The following UBR7 variants were observed in gnomAD, a reference collection of about 807,000 sequenced individuals.
The protein encoded by UBR7 is ubiquitin protein ligase E3 component n-recognin 7, also known as putative E3 ubiquitin-protein ligase UBR7.
UBR7 carries 22 observed loss-of-function variants against 57.0 expected under a neutral mutation model. The observed-to-expected ratio is 0.39, with a 90% confidence interval of 0.28 to 0.55. The LOEUF (loss-of-function observed/expected upper bound fraction) is 0.55. Ranked by LOEUF, UBR7 falls within the 20% of genes least tolerant of loss-of-function variation. The pLI is 0.69. For synonymous variants in UBR7, 167 were observed against 179.8 expected (o/e 0.93, Z 0.57); for missense variants, 395 against 513.2 (o/e 0.77, Z 2.23).
chr14:93,215,399 G>A, intron 6 of UBR7, 118 bp downstream of exon 6: 1 of 938,204 alleles, frequency 1.1e-6, no homozygotes, highest in Non-Finnish European at 1.7e-6. Context: ...AATAGTATAT[G>A]TTCTGGCCAG....
intron 10 of UBR7, among the ~76,000 whole-genome samples, chr14:93,225,463 CA>C (rs59667536): frequency 0.13 from 14,015 of 109,952 alleles, 716 homozygotes; most frequent in African/African-American, 0.17. Flanking sequence ...CCCGCCTCTA[CA>C]AAAAAAAAAA....
intron 10 of UBR7, chr14:93,223,709 C>T (rs1477016071): frequency 3.2e-5 from 30 of 944,928 alleles, no homozygotes; most frequent in Non-Finnish European, 4.7e-5. Flanking sequence ...GCTTGATGGC[C>T]GGCCGGCTGG....
In UBR7 at chr14:93,228,938, A is replaced by G. The variant is rs1374838437; in HGVS notation, c.*1903A>G. ...CTGAAGGGCTTGTTTTATGAAAGGT[A>G]CTATTCCTTCTTTCACATTAACTGG... On this transcript the variant is annotated 3_prime_UTR_variant, in exon 11 of 11. Transcript: ENST00000013070. The G allele has an allele frequency of 2.2e-6, 1 of 453,990 alleles. No individual in the cohort carries two copies. Among genetic ancestry groups the G allele is most frequent in the African/African-American group, 2.0e-5 (1 of 50,004 alleles). 28.1% of individuals were successfully genotyped at this position (453,990 alleles called of 1,614,324 possible). A position where few individuals can be genotyped will look rare whatever the true frequency, so the allele number is the denominator to read the frequency against.
At chr14:93,226,452 A>G (rs1259640792) in intron 10 of UBR7, among the ~76,000 whole-genome samples, 1 of 149,784 alleles carries the variant, frequency 6.7e-6, no homozygotes, top group Non-Finnish European at 1.5e-5. Flanking sequence ...TGAGACCAGC[A>G]TGGATAATAT....
At chr14:93,219,872 G>A (rs751594229) in intron 8 of UBR7, among the ~76,000 whole-genome samples, 15 of 152,160 alleles carry the variant, frequency 9.9e-5, no homozygotes, top group South Asian at 2.1e-4. Flanking sequence ...CTCCTTGGGA[G>A]GCCAAGGCAG....
At chr14:93,226,473 C>T (rs770701171) in intron 10 of UBR7, among the ~76,000 whole-genome samples, 2 of 147,022 alleles carry the variant, frequency 1.4e-5, no homozygotes, top group Non-Finnish European at 3.0e-5. Context: ...AGTGAGACCT[C>T]GTATCTACAC....
At chr14:93,212,936 T>C (rs1246072424) in intron 4 of UBR7, among the ~76,000 whole-genome samples, 1 of 152,228 alleles carries the variant, frequency 6.6e-6, no homozygotes, top group African/African-American at 2.4e-5. Context: ...TTATGTAGAA[T>C]GGATCGGTAT....
At position 93,229,180 on chromosome 14, in the gene UBR7, G is replaced by T; in HGVS notation, c.*2145G>T. Reference sequence around the variant, plus strand: ...TAATTACATACTTAACTCTGATCAGGTTTCTGTAAAATTTAAATAAAACCA... The same window carrying T: ...TAATTACATACTTAACTCTGATCAGTTTTCTGTAAAATTTAAATAAAACCA... On this transcript the variant is annotated 3_prime_UTR_variant, in exon 11 of 11. Coordinates refer to ENST00000013070, the MANE Select transcript of UBR7 (RefSeq NM_175748.4). 3.2e-6 allele frequency: 1 copy of T among 315,130 alleles called. No individual in the cohort carries two copies. Among genetic ancestry groups the T allele is most frequent in the Non-Finnish European group, 6.2e-6 (1 of 161,448 alleles). 19.5% of individuals were successfully genotyped at this position (315,130 alleles called of 1,614,324 possible).
chr14:93,207,390 G>C lies in UBR7; in HGVS notation c.99G>C (p.Glu33Asp). ...AGGAGGACGAGGAGCTGGAGAATGA[G>C]GCGTGCGCTGTCCTGGGCGGCAGCG... The part of the protein sequence containing the change: ...VLEEDEELEN[E>D]ACAVLGGSDS... The change falls in exon 1 of 11, where the codon GAG (glutamate) becomes GAC (aspartate). Residue 33 changes from glutamate (E) to aspartate (D), a missense_variant. Transcript: ENST00000013070. 6.4e-7 allele frequency: 1 copy of C among 1,554,898 alleles called. No homozygotes were observed. The highest frequency in any genetic ancestry group is 8.7e-7 in the Non-Finnish European group (1 of 1,150,560).
intron 3 of UBR7, among the ~76,000 whole-genome samples, chr14:93,211,479 G>A (rs766822657): frequency 5.3e-5 from 8 of 151,970 alleles, no homozygotes; most frequent in East Asian, 1.9e-4. Context: ...CCCAGGAGGC[G>A]GAGGTTGCAG....
chr14:93,214,004 G>GCAA (rs1894543392), intron 4 of UBR7, among the ~76,000 whole-genome samples: 1 of 151,810 alleles, frequency 6.6e-6, no homozygotes, highest in Admixed American at 6.6e-5. Context: ...TCAGCTCACT[G>GCAA]CAACCTCTGC....
chr14:93,220,158 A>T, intron 8 of UBR7, 91 bp from the exon 9 acceptor site: 1 of 1,339,500 alleles, frequency 7.5e-7, no homozygotes, highest in Non-Finnish European at 1.0e-6. Flanking sequence ...TTACATTTTT[A>T]GTGATTCTCA....
rs1894881624 is a variant in UBR7 at position 93,227,410 on chromosome 14, ACCT to A, written c.*381_*383del. On this transcript the variant is annotated 3_prime_UTR_variant, in exon 11 of 11. Coordinates refer to ENST00000013070, the MANE Select transcript of UBR7 (RefSeq NM_175748.4). Reference sequence around the variant, plus strand: ...TGCCACAGAGCTGTTGCCTTCCAGAACCTCCTCCGCAGGCATCACGGAAGGCTC... The same window carrying A: ...TGCCACAGAGCTGTTGCCTTCCAGAACCTCCGCAGGCATCACGGAAGGCTC... The A allele has an allele frequency of 1.5e-6, 1 of 662,708 alleles. No individual in the cohort carries two copies. The highest frequency in any genetic ancestry group is 2.9e-5 in the East Asian group (1 of 33,904). 41.1% of individuals were successfully genotyped at this position (662,708 alleles called of 1,614,324 possible). A position where few individuals can be genotyped will look rare whatever the true frequency, so the allele number is the denominator to read the frequency against.
chr14:93,208,136 G>T (rs186361191), intron 1 of UBR7, among the ~76,000 whole-genome samples: 50 of 152,222 alleles, frequency 3.3e-4, no homozygotes, highest in Non-Finnish European at 1.5e-4. Context: ...GTTTGAGGGG[G>T]TGTGATGTGG....
chr14:93,225,493 C>A (rs2065747966), intron 10 of UBR7, among the ~76,000 whole-genome samples: 1 of 149,020 alleles, frequency 6.7e-6, no homozygotes, highest in African/African-American at 2.5e-5. Flanking sequence ...ATTAGGCTGG[C>A]ATGGTGACGT....
chr14:93,219,123 C>T, intron 7 of UBR7, 89 bp from the exon 8 acceptor site: 1 of 1,449,604 alleles, frequency 6.9e-7, no homozygotes, highest in South Asian at 1.2e-5. Context: ...CAATTTTATC[C>T]TTTGCCTAAA....
At chr14:93,226,495 A>C (rs117159507) in intron 10 of UBR7, among the ~76,000 whole-genome samples, 441 of 152,300 alleles carry the variant, frequency 2.9e-3, no homozygotes, top group Non-Finnish European at 4.3e-3. Context: ...AAATTTAAAA[A>C]TTAGCCAGGC....
intron 4 of UBR7, among the ~76,000 whole-genome samples, chr14:93,213,628 T>G (rs1027292867): frequency 6.6e-6 from 1 of 152,088 alleles, no homozygotes; most frequent in African/African-American, 2.4e-5. Flanking sequence ...TCTTAAATTT[T>G]TTTTTCTTTC....
intron 10 of UBR7, chr14:93,224,242 G>T (rs1894784414): frequency 2.1e-6 from 1 of 486,888 alleles, no homozygotes; most frequent in Non-Finnish European, 3.7e-6. Context: ...TCTGGACAGG[G>T]TCACAGTGCT....
Sources: allele counts gnomAD v4.1 joint callset (sites outside exome capture counted in the v4.1 genomes callset), GRCh38; gene constraint gnomAD v4.1.1; transcripts MANE v1.5; gene names NCBI Gene and HGNC (gene_info 2026-07-23, HGNC 2026-07-21).